The following RIMS2 variants were observed in gnomAD, a reference collection of about 807,000 sequenced individuals.
RIMS2 encodes the protein regulating synaptic membrane exocytosis 2.
A neutral mutation model predicts 174.4 loss-of-function variants in RIMS2; 59 were observed. That is an observed-to-expected ratio of 0.34 (90% CI 0.27 to 0.42). The LOEUF is 0.42. Ranked by LOEUF, RIMS2 falls within the 10% of genes least tolerant of loss-of-function variation. RIMS2 has a pLI of 1.00. For missense variants in RIMS2, 1,620 were observed against 1,666.3 expected (o/e 0.97, Z 0.48); for synonymous variants, 606 against 572.5 (o/e 1.06, Z -0.84).
intron 19 of RIMS2, among the ~76,000 whole-genome samples, chr8:104,021,475 A>G (rs1053288653): frequency 6.6e-6 from 1 of 152,220 alleles, no homozygotes; most frequent in Non-Finnish European, 1.5e-5. Flanking sequence ...ATATGTCGGC[A>G]ATCTGAAATA....
At chr8:103,734,293 G>A (rs1486403980) in intron 2 of RIMS2, among the ~76,000 whole-genome samples, 1 of 147,468 alleles carries the variant, frequency 6.8e-6, no homozygotes, top group African/African-American at 2.5e-5. Flanking sequence ...TTACAGGCGT[G>A]AGCCACCACA....
intron 1 of RIMS2, among the ~76,000 whole-genome samples, chr8:103,545,560 AAT>A (rs375923114): frequency 9.0e-4 from 137 of 152,320 alleles, no homozygotes; most frequent in African/African-American, 3.2e-3. Context: ...GACCATCACT[AAT>A]ATACATAGAC....
chr8:104,223,376 G>T, intron 19 of RIMS2: 1 of 1,218,158 alleles, frequency 8.2e-7, no homozygotes, highest in South Asian at 3.2e-5. Context: ...CTCCCTCCCG[G>T]GCGAGACCTC....
chr8:104,070,593 T>C (rs1330980458), intron 19 of RIMS2, among the ~76,000 whole-genome samples: 1 of 152,314 alleles, frequency 6.6e-6, no homozygotes, highest in East Asian at 1.9e-4. Context: ...TGACCTTTTG[T>C]GGTTTTTTTA....
intron 1 of RIMS2, among the ~76,000 whole-genome samples, chr8:103,619,984 A>AT (rs1360034522): frequency 6.6e-6 from 1 of 152,112 alleles, no homozygotes; most frequent in Non-Finnish European, 1.5e-5. Context: ...AAATGGACTT[A>AT]TTTTTGCATT....
chr8:103,970,382 C>T (rs1039469804), intron 15 of RIMS2, among the ~76,000 whole-genome samples: 19 of 152,170 alleles, frequency 1.2e-4, no homozygotes, highest in African/African-American at 4.3e-4. Context: ...TTAGTTTCCC[C>T]TGAGGGAAAG....
chr8:103,885,549 G>A, exon 4 of RIMS2: 3 of 1,612,644 alleles, frequency 1.9e-6, no homozygotes, highest in Non-Finnish European at 2.5e-6. Flanking sequence ...GTGGAAAGCA[G>A]AGATGAATAC....
chr8:103,763,447 A>AG (rs1564548529), intron 2 of RIMS2, among the ~76,000 whole-genome samples: 3 of 151,766 alleles, frequency 2.0e-5, no homozygotes. Flanking sequence ...AGGAAAAAAA[A>AG]AAAGAAGAAG....
intron 1 of RIMS2, among the ~76,000 whole-genome samples, chr8:103,677,212 G>A (rs898922342): frequency 4.6e-5 from 7 of 151,816 alleles, no homozygotes; most frequent in African/African-American, 7.3e-5. Context: ...TCTCAGATCC[G>A]CTTGATCAAC....
intron 19 of RIMS2, among the ~76,000 whole-genome samples, chr8:104,104,757 C>T (rs2098002060): frequency 6.6e-6 from 1 of 151,744 alleles, no homozygotes; most frequent in African/African-American, 2.4e-5. Flanking sequence ...TGGTGCACAC[C>T]TGTGGTCTGC....
intron 19 of RIMS2, among the ~76,000 whole-genome samples, chr8:104,056,401 C>T (rs900070386): frequency 7.3e-6 from 1 of 136,626 alleles, no homozygotes; most frequent in Non-Finnish European, 1.6e-5. Flanking sequence ...GAGACTCCAT[C>T]TTAAAAAAAA....
chr8:103,646,408 G>A (rs375706553), intron 1 of RIMS2, among the ~76,000 whole-genome samples: 83 of 151,968 alleles, frequency 5.5e-4, no homozygotes, highest in African/African-American at 1.8e-3. Context: ...TTAAGTTCAG[G>A]GGTACATGTG....
chr8:104,009,355 A>G (rs1231441940), intron 17 of RIMS2, among the ~76,000 whole-genome samples: 2 of 151,718 alleles, frequency 1.3e-5, no homozygotes, highest in Non-Finnish European at 2.9e-5. Context: ...ATGCAATGGT[A>G]TGATCACAGC....
chr8:103,612,878 G>C (rs1326787950), intron 1 of RIMS2, among the ~76,000 whole-genome samples: 1 of 152,196 alleles, frequency 6.6e-6, no homozygotes, highest in Non-Finnish European at 1.5e-5. Context: ...CAAGACTCTT[G>C]TTCTTTTACC....
intron 1 of RIMS2, among the ~76,000 whole-genome samples, chr8:103,581,981 C>G (rs961301183): frequency 6.6e-5 from 10 of 152,224 alleles, no homozygotes; most frequent in Admixed American, 1.3e-4. Context: ...ATCACTCCTT[C>G]CCTAAACCCA....
At chr8:103,924,342 A>G (rs995230762) in intron 10 of RIMS2, among the ~76,000 whole-genome samples, 1 of 151,672 alleles carries the variant, frequency 6.6e-6, no homozygotes, top group Non-Finnish European at 1.5e-5. Context: ...CATGTAATTT[A>G]TGAATTTTAT....
At chr8:104,141,227 G>A (rs939860015) in intron 19 of RIMS2, among the ~76,000 whole-genome samples, 11 of 152,104 alleles carry the variant, frequency 7.2e-5, no homozygotes, top group South Asian at 2.1e-4. Context: ...AAAGTAATAC[G>A]TTTAAAATTT....
At chr8:103,856,842 T>G (rs1038125947) in intron 3 of RIMS2, among the ~76,000 whole-genome samples, 1 of 152,126 alleles carries the variant, frequency 6.6e-6, no homozygotes, top group African/African-American at 2.4e-5. Context: ...AGTCTCGCTT[T>G]GTCGCCCAGG....
chr8:103,819,694 T>TA (rs1380329592), intron 3 of RIMS2: 1 of 1,330,356 alleles, frequency 7.5e-7, no homozygotes, highest in East Asian at 2.4e-5. Flanking sequence ...TATATGCCAG[T>TA]AAAAATTGTT....
Sources: gnomAD v4.1 joint callset for allele counts (sites outside exome capture counted in the v4.1 genomes callset) on GRCh38, gnomAD v4.1.1 for gene constraint, MANE v1.5 for transcripts, NCBI Gene and HGNC (gene_info 2026-07-23, HGNC 2026-07-21) for gene names.